The following TYW1 variants were observed in gnomAD, a reference collection of about 807,000 sequenced individuals.
TYW1 encodes tRNA-yW synthesizing protein 1 homolog, also known as S-adenosyl-L-methionine-dependent tRNA 4-demethylwyosine synthase TYW1.
A neutral mutation model predicts 96.2 loss-of-function variants in TYW1; 46 were observed. The ratio of observed to expected loss-of-function variants is 0.48; its 90% CI spans 0.38 to 0.61. The LOEUF is 0.61. TYW1 is among the 20% of genes least tolerant of loss of function. TYW1 has a pLI of 0.00. For missense variants in TYW1, 684 were observed against 909.6 expected, an observed-to-expected ratio of 0.75 and a Z score of 3.19; for synonymous variants, 274 against 323.0, an observed-to-expected ratio of 0.85 and a Z score of 1.63.
chr7:67,026,139 C>T (rs1794445635), intron 7 of TYW1, among the ~76,000 whole-genome samples: 2 of 152,176 alleles, frequency 1.3e-5, no homozygotes, highest in South Asian at 4.1e-4. Context: ...GTGGTGCAAT[C>T]TCGGCTCACT....
At chr7:67,189,004 G>T (rs2687028) in intron 14 of TYW1, among the ~76,000 whole-genome samples, 2 of 152,224 alleles carry the variant, frequency 1.3e-5, no homozygotes. Context: ...TAAATCCAGT[G>T]TGAGGAAGGT....
At chr7:67,001,462 G>A (rs964648783) in intron 3 of TYW1, among the ~76,000 whole-genome samples, 8 of 150,696 alleles carry the variant, frequency 5.3e-5, no homozygotes, top group South Asian at 2.1e-4. Flanking sequence ...TCGCTGTGTC[G>A]CCAGGCTGGA....
At chr7:66,997,610 TA>T (rs1414264672) in intron 1 of TYW1, among the ~76,000 whole-genome samples, 1 of 152,190 alleles carries the variant, frequency 6.6e-6, no homozygotes, top group Non-Finnish European at 1.5e-5. Flanking sequence ...CATAGTGTGT[TA>T]TTTTTATTAC....
intron 12 of TYW1, among the ~76,000 whole-genome samples, chr7:67,106,406 C>T (rs906234494): frequency 3.3e-5 from 5 of 152,054 alleles, no homozygotes; most frequent in Admixed American, 1.3e-4. Flanking sequence ...GTTATTGCTG[C>T]GATGGAAGAC....
chr7:67,022,722 G>A (rs867557761), intron 6 of TYW1, among the ~76,000 whole-genome samples: 19 of 152,310 alleles, frequency 1.2e-4, no homozygotes, highest in Admixed American at 3.3e-4. Flanking sequence ...AACTGGCAGA[G>A]ACTTTCTGTT....
Position 67,117,561 on chromosome 7 carries a change from A to G in TYW1, c.1641A>G (p.Pro547=), listed in dbSNP as rs1335610582. ...ACAGCCTGAAGAAAATCGACCGCCC[A>G]CTCTTCAAGGATTTCTGGCAGAGAT... ...TKDSLKKIDR[P]LFKDFWQRFL... The change falls in exon 13 of 16, where the codon CCA becomes CCG. Residue 547 remains proline, a synonymous_variant. Coordinates refer to ENST00000359626, the MANE Select transcript of TYW1 (RefSeq NM_018264.4). The G allele has an allele frequency of 1.9e-6, 3 of 1,613,998 alleles. No individual in the cohort carries two copies. The highest frequency in any genetic ancestry group is 1.3e-5 in the African/African-American group (1 of 75,006).
At chr7:67,148,574 T>G (rs10277585) in intron 13 of TYW1, among the ~76,000 whole-genome samples, 1 of 151,210 alleles carries the variant, frequency 6.6e-6, no homozygotes, top group African/African-American at 2.4e-5. Context: ...TACAGGCGCC[T>G]GCCACCACGC....
At chr7:67,021,831 A>G (rs1794289711) in intron 6 of TYW1, among the ~76,000 whole-genome samples, 1 of 152,258 alleles carries the variant, frequency 6.6e-6, no homozygotes, top group South Asian at 2.1e-4. Flanking sequence ...GAGTCTTTCC[A>G]TTAGAAACTT....
intron 15 of TYW1, among the ~76,000 whole-genome samples, chr7:67,235,109 A>G (rs545182024): frequency 2.6e-5 from 4 of 152,170 alleles, no homozygotes; most frequent in Non-Finnish European, 5.9e-5. Flanking sequence ...CTAGAAATCA[A>G]AACACCAAAG....
At chr7:67,053,554 AT>A (rs1795428426) in intron 8 of TYW1, among the ~76,000 whole-genome samples, 1 of 151,598 alleles carries the variant, frequency 6.6e-6, no homozygotes, top group Non-Finnish European at 1.5e-5. Context: ...TAATTTTTAT[AT>A]TTTTAGTAGA....
intron 13 of TYW1, among the ~76,000 whole-genome samples, chr7:67,127,797 T>C (rs13437823): frequency 0.28 from 42,003 of 151,862 alleles, 6,654 homozygotes; most frequent in African/African-American, 0.44. Flanking sequence ...ATTTCTCCCT[T>C]AGTGTTGAAG....
At chr7:67,001,578 T>C (rs1475397722) in intron 3 of TYW1, among the ~76,000 whole-genome samples, 1 of 151,578 alleles carries the variant, frequency 6.6e-6, no homozygotes, top group Admixed American at 6.6e-5. Context: ...CCCACCACTA[T>C]GCCCAGCTAG....
At chr7:67,130,557 G>A (rs1262022377) in intron 13 of TYW1, among the ~76,000 whole-genome samples, 2 of 151,768 alleles carry the variant, frequency 1.3e-5, no homozygotes, top group South Asian at 2.1e-4. Flanking sequence ...CCAGCTACTC[G>A]GGAGGCTGAG....
chr7:67,157,983 T>C (rs1799039939), intron 13 of TYW1, among the ~76,000 whole-genome samples: 1 of 152,168 alleles, frequency 6.6e-6, no homozygotes, highest in Non-Finnish European at 1.5e-5. Context: ...GGGGAAAGTA[T>C]GCACTTTCTT....
At chr7:67,156,041 C>A (rs1798959396) in intron 13 of TYW1, among the ~76,000 whole-genome samples, 1 of 151,878 alleles carries the variant, frequency 6.6e-6, no homozygotes, top group African/African-American at 2.4e-5. Context: ...TGTGGTAGGG[C>A]TTTGCTGGGA....
In TYW1 at chr7:67,083,559, A is replaced by C; in HGVS notation, c.1384+20A>C. 6.2e-7 allele frequency: 1 copy of C among 1,613,084 alleles called. No homozygotes were observed. Among genetic ancestry groups the C allele is most frequent in the Non-Finnish European group, 8.5e-7 (1 of 1,179,224 alleles). ...TTAAAGGTATTTATCTTCCCTCTAC[A>C]AAGGAATGCTAATACCTGTTAATAG... On this transcript the variant is annotated intron_variant, in intron 11 of 15. Transcript: ENST00000359626.
At chr7:67,218,556 T>C (rs1801277482) in intron 15 of TYW1, among the ~76,000 whole-genome samples, 1 of 152,152 alleles carries the variant, frequency 6.6e-6, no homozygotes, top group African/African-American at 2.4e-5. Flanking sequence ...TTTTACCATG[T>C]TGACCAGACT....
chr7:67,027,833 G>C (rs139341341), intron 7 of TYW1, among the ~76,000 whole-genome samples: 1,805 of 151,978 alleles, frequency 0.012, 32 homozygotes, highest in African/African-American at 0.041. Flanking sequence ...GGGAGGCTGA[G>C]GCAAGAGAAT....
chr7:67,027,940 A>C (rs1584479338), intron 7 of TYW1, among the ~76,000 whole-genome samples: 1 of 151,124 alleles, frequency 6.6e-6, no homozygotes, highest in Non-Finnish European at 1.5e-5. Flanking sequence ...AAAAAAAAAA[A>C]AAAAGCAGAC....
Sources: gnomAD v4.1 joint callset for allele counts (sites outside exome capture counted in the v4.1 genomes callset) on GRCh38, gnomAD v4.1.1 for gene constraint, MANE v1.5 for transcripts, NCBI Gene and HGNC (gene_info 2026-07-23, HGNC 2026-07-21) for gene names.